STPG2: variants seen among roughly 807,000 people sequenced by gnomAD.
STPG2 encodes the protein sperm-tail PG-rich repeat-containing protein 2.
STPG2 carries 56 observed loss-of-function variants against 54.2 expected under a neutral mutation model. The observed-to-expected ratio is 1.03, with a 90% confidence interval of 0.83 to 1.29. The LOEUF (loss-of-function observed/expected upper bound fraction) is 1.29. STPG2 is among the 50% of genes most tolerant of loss of function. The probability of loss-of-function intolerance (pLI) is 0.00; values close to 1 mark genes in which losing one functional copy is unlikely to be tolerated. For missense variants in STPG2, 596 were observed against 544.9 expected (o/e 1.09, Z -0.93); for synonymous variants, 200 against 181.8 (o/e 1.10, Z -0.81).
rs1371448154 is a variant in STPG2, at chr4:98,021,314, T to C, written c.613-39996A>G. ...TCAGGAGCAGGTTGTTCAGTTTCCATGTAGTTGAGCGGTTTTGAGTGAGTT... is the reference window on the plus strand; with the variant it reads ...TCAGGAGCAGGTTGTTCAGTTTCCACGTAGTTGAGCGGTTTTGAGTGAGTT... On this transcript the variant is annotated intron_variant, in intron 5 of 10. Transcript: ENST00000295268. Among the ~76,000 whole-genome samples, 3 of 129,616 alleles carry C rather than the reference T, an allele frequency of 2.3e-5. 1 individual carries two copies. Among genetic ancestry groups the C allele is most frequent in the East Asian group, 2.1e-4 (1 of 4,732 alleles). 85.0% of individuals were successfully genotyped at this position (129,616 alleles called of 152,430 possible). A position where few individuals can be genotyped will look rare whatever the true frequency, so the allele number is the denominator to read the frequency against.
At chr4:97,910,833 G>A (rs1731649989) in intron 8 of STPG2, among the ~76,000 whole-genome samples, 1 of 152,026 alleles carries the variant, frequency 6.6e-6, no homozygotes, top group Admixed American at 6.5e-5. Flanking sequence ...TAAATTCTTG[G>A]AAAAAAATAA....
chr4:97,941,195 C>A (rs1039577496), intron 8 of STPG2, among the ~76,000 whole-genome samples: 2 of 151,914 alleles, frequency 1.3e-5, no homozygotes, highest in South Asian at 4.2e-4. Flanking sequence ...TATTTCTCAT[C>A]CCTTTGTGGG....
At chr4:98,122,910 T>A (rs147556727) in intron 3 of STPG2, among the ~76,000 whole-genome samples, 1,939 of 152,296 alleles carry the variant, frequency 0.013, 33 homozygotes, top group African/African-American at 0.044. Flanking sequence ...AACTTCTTCC[T>A]GGTTCAGTCT....
chr4:97,962,092 C>A (rs573598335), intron 7 of STPG2, among the ~76,000 whole-genome samples: 7 of 152,102 alleles, frequency 4.6e-5, no homozygotes, highest in South Asian at 2.1e-4. Context: ...TTATTCTTAG[C>A]GAAGTAACTC....
Position 98,017,783 on chromosome 4 carries a change from T to C in STPG2, c.613-36465A>G, listed in dbSNP as rs548852384. Among the ~76,000 whole-genome samples the C allele has an allele frequency of 3.2e-4, 48 of 152,262 alleles. No individual in the cohort carries two copies. In the South Asian group the frequency reaches 9.7e-3, roughly 31 times the overall value. The stretch of plus-strand genomic sequence containing the variant: ...CTGGTGGGAGGAGACTGGATCATGG[T>C]GGTGGTTTCCCCCATGCTATTCTCA... On this transcript the variant is annotated intron_variant, in intron 5 of 10. Transcript: ENST00000295268.
chr4:97,853,193 C>G (rs563419250), intron 8 of STPG2, among the ~76,000 whole-genome samples: 1 of 151,848 alleles, frequency 6.6e-6, no homozygotes, highest in South Asian at 2.1e-4. Context: ...GTCTAGATCT[C>G]CTGGCCTCGT....
chr4:97,537,798 A>G (rs925568929), intron 4 of STPG2, among the ~76,000 whole-genome samples: 3 of 152,262 alleles, frequency 2.0e-5, no homozygotes, highest in South Asian at 4.1e-4. Flanking sequence ...ACCCCCTAGT[A>G]GGGGCAGACT....
rs561506077 is a variant in STPG2, at chr4:97,781,359, C to T, written c.1204+59414G>A. On this transcript the variant is annotated intron_variant, in intron 9 of 10. Coordinates refer to ENST00000295268, the MANE Select transcript of STPG2 (RefSeq NM_174952.3). The stretch of plus-strand genomic sequence containing the variant: ...AAATGGCTAAATTCCTGGACACATA[C>T]ACCCTCCCAAGACTAAACCAGGAAG... 2.5e-3 allele frequency among the ~76,000 whole-genome samples: 386 copies of T among 152,270 alleles called. 2 individuals carry two copies. The highest frequency in any genetic ancestry group is 8.5e-3 in the African/African-American group (352 of 41,554).
chr4:97,637,152 G>A (rs1170338863), intron 10 of STPG2, among the ~76,000 whole-genome samples: 1 of 152,188 alleles, frequency 6.6e-6, no homozygotes, highest in African/African-American at 2.4e-5. Context: ...CCATGATCGA[G>A]TGGGCTTCAT....
intron 9 of STPG2, among the ~76,000 whole-genome samples, chr4:97,744,529 T>C (rs1161442707): frequency 6.6e-6 from 1 of 151,376 alleles, no homozygotes; most frequent in East Asian, 1.9e-4. Context: ...TATTAGATTC[T>C]TATTACTATA....
intron 10 of STPG2, chr4:97,633,612 G>C (rs926111483): frequency 1.3e-5 from 2 of 152,228 alleles, no homozygotes; most frequent in Non-Finnish European, 2.9e-5. Flanking sequence ...GTGCCAGACA[G>C]TGGGCGCAGG....
chr4:97,709,814 A>G (rs893594782), intron 10 of STPG2, among the ~76,000 whole-genome samples: 1 of 151,952 alleles, frequency 6.6e-6, no homozygotes, highest in Non-Finnish European at 1.5e-5. Flanking sequence ...AATAAAATTT[A>G]CTGTTATTTT....
chr4:97,775,147 A>T (rs1255797639), intron 9 of STPG2, among the ~76,000 whole-genome samples: 1 of 152,258 alleles, frequency 6.6e-6, no homozygotes, highest in South Asian at 2.1e-4. Context: ...AATGTAAAGC[A>T]TATGATAGAG....
chr4:97,807,439 G>T (rs536397882), intron 9 of STPG2, among the ~76,000 whole-genome samples: 1 of 152,008 alleles, frequency 6.6e-6, no homozygotes, highest in African/African-American at 2.4e-5. Context: ...ATAGACAACA[G>T]ATTCCCAGTT....
intron 5 of STPG2, among the ~76,000 whole-genome samples, chr4:98,044,598 A>C (rs906172000): frequency 6.6e-6 from 1 of 152,152 alleles, no homozygotes; most frequent in Non-Finnish European, 1.5e-5. Flanking sequence ...CAGCTTTTCC[A>C]TATCAGCTCA....
intron 9 of STPG2, among the ~76,000 whole-genome samples, chr4:97,836,911 C>A (rs114812185): frequency 0.025 from 3,703 of 149,844 alleles, 103 homozygotes; most frequent in African/African-American, 0.072. Context: ...TATTAATTAA[C>A]ATTAATATTA....
chr4:97,840,616 G>C (rs780956944), intron 9 of STPG2, among the ~76,000 whole-genome samples, 157 bp downstream of exon 9: 5 of 151,496 alleles, frequency 3.3e-5, no homozygotes, highest in Non-Finnish European at 7.4e-5. Context: ...TTAGTTCAAT[G>C]TTATTTTGTT....
chr4:97,915,195 G>A (rs991623849), intron 8 of STPG2, among the ~76,000 whole-genome samples: 2 of 152,164 alleles, frequency 1.3e-5, no homozygotes, highest in African/African-American at 4.8e-5. Flanking sequence ...ACTGTGGGAA[G>A]TACAAGGGTA....
chr4:97,585,088 C>A (rs1246079908), intron 10 of STPG2, among the ~76,000 whole-genome samples: 2 of 14,700 alleles, frequency 1.4e-4, no homozygotes, highest in African/African-American at 1.7e-4. Context: ...CAGGAAAGGA[C>A]ATAAAATATT....
Sources: gnomAD v4.1 joint callset for allele counts (sites outside exome capture counted in the v4.1 genomes callset) on GRCh38, gnomAD v4.1.1 for gene constraint, MANE v1.5 for transcripts, NCBI Gene and HGNC (gene_info 2026-07-23, HGNC 2026-07-21) for gene names.